Variants in CNTNAP2 observed in about 807,000 individuals in gnomAD.
CNTNAP2 encodes the protein contactin associated protein 2, also known as contactin-associated protein-like 2.
Under a neutral mutation model 155.2 loss-of-function variants are expected in CNTNAP2, and 98 were observed. The observed-to-expected ratio is 0.63, with a 90% CI of 0.54 to 0.75. CNTNAP2 has a LOEUF of 0.75. CNTNAP2 is among the 30% of genes least tolerant of loss of function. CNTNAP2 has a pLI of 0.00. For synonymous variants in CNTNAP2, 651 were observed against 631.2 expected, an observed-to-expected ratio of 1.03 and a Z score of -0.47; for missense variants, 1,727 against 1,688.1, an observed-to-expected ratio of 1.02 and a Z score of -0.40.
Position 148,256,358 on chromosome 7 carries a change from C to A in CNTNAP2, c.3382-10675C>A, listed in dbSNP as rs747791463. Among the ~76,000 whole-genome samples the A allele has an allele frequency of 2.1e-4, 32 of 152,222 alleles. 1 individual carries two copies. The highest frequency in any genetic ancestry group is 1.8e-3 in the Admixed American group (27 of 15,302). On this transcript the variant is annotated intron_variant, in intron 20 of 23. Coordinates refer to ENST00000361727, the MANE Select transcript of CNTNAP2 (RefSeq NM_014141.6). ...TGGTAGCAGAACATCTTCAAAGAAA[C>A]CTCACAGAACTGGTTCAACCTCCTC...
intron 1 of CNTNAP2, among the ~76,000 whole-genome samples, chr7:146,281,582 G>A (rs1049817439): frequency 1.3e-5 from 2 of 152,064 alleles, no homozygotes; most frequent in East Asian, 3.9e-4. Context: ...GGATCACAAG[G>A]TCAGGAGTTT....
At chr7:147,837,567 A>G (rs1798653790) in intron 13 of CNTNAP2, among the ~76,000 whole-genome samples, 1 of 152,132 alleles carries the variant, frequency 6.6e-6, no homozygotes, top group Admixed American at 6.6e-5. Flanking sequence ...ATTAACTCAA[A>G]AGTCCACAGT....
intron 17 of CNTNAP2, among the ~76,000 whole-genome samples, chr7:148,166,457 C>T (rs150680196): frequency 2.0e-3 from 302 of 151,482 alleles, no homozygotes; most frequent in African/African-American, 7.0e-3. Flanking sequence ...CCCAACTTAG[C>T]TCTTTATTAA....
chr7:148,179,630 AGAGAAAGAGAGAAAGAGT>A (rs1795001544), intron 18 of CNTNAP2, among the ~76,000 whole-genome samples: 1 of 135,548 alleles, frequency 7.4e-6, no homozygotes, highest in South Asian at 2.5e-4. Context: ...GGAAGGAAGG[AGAGAAAGAGAGAAAGAGT>A]GAGAAAGAGA....
intron 1 of CNTNAP2, among the ~76,000 whole-genome samples, chr7:146,176,620 T>C (rs1414371151): frequency 6.6e-6 from 1 of 152,200 alleles, no homozygotes; most frequent in Admixed American, 6.5e-5. Context: ...TGACTCATTT[T>C]GTCATTCAAA....
intron 16 of CNTNAP2, among the ~76,000 whole-genome samples, chr7:148,137,054 G>C (rs1804968397): frequency 6.6e-6 from 1 of 152,188 alleles, no homozygotes; most frequent in Non-Finnish European, 1.5e-5. Flanking sequence ...ATGCTGTGAA[G>C]TGATTTCTGT....
intron 4 of CNTNAP2, among the ~76,000 whole-genome samples, chr7:147,049,748 CAA>C (rs1420898636): frequency 6.6e-6 from 1 of 152,112 alleles, no homozygotes; most frequent in African/African-American, 2.4e-5. Flanking sequence ...TCTTTCACTG[CAA>C]AGTTTGCCAG....
chr7:146,317,570 G>A (rs901648192), intron 1 of CNTNAP2, among the ~76,000 whole-genome samples: 1 of 152,144 alleles, frequency 6.6e-6, no homozygotes, highest in Non-Finnish European at 1.5e-5. Context: ...CAATTAAGCT[G>A]TTCTGTTTCC....
intron 21 of CNTNAP2, among the ~76,000 whole-genome samples, chr7:148,331,740 GATGGATGGA>G (rs1798025351): frequency 6.6e-6 from 1 of 150,976 alleles, no homozygotes; most frequent in African/African-American, 2.5e-5. Flanking sequence ...GGATGGAGTG[GATGGATGGA>G]ACGGACGGAT....
At chr7:147,377,536 G>C (rs1316916754) in intron 9 of CNTNAP2, among the ~76,000 whole-genome samples, 1 of 151,614 alleles carries the variant, frequency 6.6e-6, no homozygotes. Flanking sequence ...TCCATTCTTT[G>C]ACACACATCC....
At chr7:148,255,871 G>T (rs1796445829) in intron 20 of CNTNAP2, among the ~76,000 whole-genome samples, 1 of 152,142 alleles carries the variant, frequency 6.6e-6, no homozygotes, top group African/African-American at 2.4e-5. Flanking sequence ...TGCGTTCCTT[G>T]TGAGTTGAAT....
At chr7:146,614,678 A>T (rs1799195519) in intron 1 of CNTNAP2, among the ~76,000 whole-genome samples, 1 of 152,198 alleles carries the variant, frequency 6.6e-6, no homozygotes, top group Admixed American at 6.5e-5. Context: ...TGCTGACAAG[A>T]AGGCAATAAA....
chr7:146,599,142 C>T (rs1258959545), intron 1 of CNTNAP2, among the ~76,000 whole-genome samples: 3 of 152,072 alleles, frequency 2.0e-5, no homozygotes, highest in Admixed American at 1.3e-4. Context: ...TTTTGCACTA[C>T]CACCATTGGG....
At chr7:146,118,032 C>A (rs1241664529) in intron 1 of CNTNAP2, among the ~76,000 whole-genome samples, 1 of 152,058 alleles carries the variant, frequency 6.6e-6, no homozygotes, top group Admixed American at 6.6e-5. Context: ...TCGTCATATG[C>A]GAAGTAGTCT....
intron 21 of CNTNAP2, among the ~76,000 whole-genome samples, chr7:148,373,744 A>G (rs953454904): frequency 1.5e-4 from 23 of 152,328 alleles, no homozygotes; most frequent in Admixed American, 1.3e-3. Context: ...TCTCCCACCT[A>G]GGAGGCTATT....
chr7:147,333,516 T>C (rs926465419), intron 9 of CNTNAP2, among the ~76,000 whole-genome samples: 6 of 152,206 alleles, frequency 3.9e-5, no homozygotes, highest in Non-Finnish European at 1.5e-5. Flanking sequence ...CAACTTTCTA[T>C]AATAAAAGAA....
intron 13 of CNTNAP2, among the ~76,000 whole-genome samples, chr7:147,757,797 C>A (rs1343451374): frequency 6.6e-6 from 1 of 152,114 alleles, no homozygotes; most frequent in African/African-American, 2.4e-5. Flanking sequence ...TGTAAACAAT[C>A]AAAAGCTAAC....
intron 3 of CNTNAP2, among the ~76,000 whole-genome samples, chr7:146,924,891 A>G (rs1796574528): frequency 6.6e-6 from 1 of 152,178 alleles, no homozygotes; most frequent in Non-Finnish European, 1.5e-5. Context: ...CACTGAAGGA[A>G]AATATTGGCA....
intron 1 of CNTNAP2, among the ~76,000 whole-genome samples, chr7:146,262,326 A>G (rs1272941098): frequency 2.6e-5 from 4 of 152,096 alleles, no homozygotes; most frequent in Non-Finnish European, 4.4e-5. Context: ...TGCCCCCCTC[A>G]ATTGCACGTT....
Sources: allele counts gnomAD v4.1 joint callset (sites outside exome capture counted in the v4.1 genomes callset), GRCh38; gene constraint gnomAD v4.1.1; transcripts MANE v1.5; gene names NCBI Gene and HGNC (gene_info 2026-07-23, HGNC 2026-07-21).